ADGRL2: variants seen among roughly 807,000 people sequenced by gnomAD.
The protein encoded by ADGRL2 is adhesion G protein-coupled receptor L2, also known as calcium-independent alpha-latrotoxin receptor 2.
ADGRL2 carries 44 observed loss-of-function variants against 157.4 expected under a neutral mutation model. That is an observed-to-expected ratio of 0.28 (90% CI 0.22 to 0.36). ADGRL2 has a LOEUF of 0.36. Among genes scored for constraint, ADGRL2 ranks in the 10% least tolerant of loss-of-function variants. The pLI is 1.00. For missense variants in ADGRL2, 1,510 were observed against 1,768.9 expected (o/e 0.85, Z 2.63); for synonymous variants, 585 against 624.7 (o/e 0.94, Z 0.95).
chr1:81,957,464 C>T (rs1056883193), intron 11 of ADGRL2, among the ~76,000 whole-genome samples: 2 of 152,008 alleles, frequency 1.3e-5, no homozygotes, highest in East Asian at 1.9e-4. Flanking sequence ...TTTGGGAGGC[C>T]GAGGCAGGCA....
chr1:81,626,307 C>A (rs1268205602), intron 3 of ADGRL2, among the ~76,000 whole-genome samples: 1 of 152,038 alleles, frequency 6.6e-6, no homozygotes, highest in Non-Finnish European at 1.5e-5. Context: ...GAACTCTATC[C>A]CTTTTTATTT....
intron 2 of ADGRL2, among the ~76,000 whole-genome samples, chr1:81,906,166 C>T (rs1349981393): frequency 1.3e-5 from 2 of 152,094 alleles, no homozygotes; most frequent in African/African-American, 4.8e-5. Flanking sequence ...GAAAACCTAC[C>T]AAGTTTGGGG....
At position 81,951,944 on chromosome 1, in the gene ADGRL2, A is replaced by G. The variant is rs753850651; in HGVS notation, c.1609-13A>G. On this transcript the variant is annotated splice_polypyrimidine_tract_variant and intron_variant, in intron 8 of 23. Transcript: ENST00000686636. ...AAAAAATTTAAATGAGATAATACAA[A>G]TTGTTTTTTCAGATCAGAAGCGGAG... is the stretch of plus-strand genomic sequence containing the variant. The G allele has an allele frequency of 6.3e-7, 1 of 1,586,970 alleles. No homozygotes were observed. The highest frequency in any genetic ancestry group is 1.2e-5 in the South Asian group (1 of 86,866).
chr1:81,560,272 G>T (rs1406843163), intron 2 of ADGRL2, among the ~76,000 whole-genome samples: 1 of 152,210 alleles, frequency 6.6e-6, no homozygotes, highest in Non-Finnish European at 1.5e-5. Context: ...CAAAATACCT[G>T]ATTTCAAGTG....
At chr1:81,911,057 G>A (rs2094709429) in intron 3 of ADGRL2, among the ~76,000 whole-genome samples, 1 of 151,864 alleles carries the variant, frequency 6.6e-6, no homozygotes, top group Non-Finnish European at 1.5e-5. Context: ...TTCAGCAGTT[G>A]AGAATCAAGT....
intron 1 of ADGRL2, among the ~76,000 whole-genome samples, chr1:81,370,884 A>G (rs1487329290): frequency 1.3e-5 from 2 of 152,206 alleles, no homozygotes; most frequent in Non-Finnish European, 2.9e-5. Flanking sequence ...GATATTAGAG[A>G]TGAGAAAAAC....
chr1:81,541,726 G>T (rs1161054360), intron 2 of ADGRL2, among the ~76,000 whole-genome samples: 1 of 151,142 alleles, frequency 6.6e-6, no homozygotes, highest in Admixed American at 6.6e-5. Flanking sequence ...GAGGTGGGCA[G>T]ATCACCTGAG....
At chr1:81,785,627 C>T (rs995672256) in intron 2 of ADGRL2, among the ~76,000 whole-genome samples, 1 of 151,890 alleles carries the variant, frequency 6.6e-6, no homozygotes, top group Admixed American at 6.6e-5. Flanking sequence ...ACTCAGGCAG[C>T]GAAGGCAGGA....
intron 1 of ADGRL2, among the ~76,000 whole-genome samples, chr1:81,316,657 G>A (rs1272065866): frequency 6.6e-6 from 1 of 152,108 alleles, no homozygotes; most frequent in African/African-American, 2.4e-5. Flanking sequence ...CAGAAGGCAT[G>A]TATTATATTC....
At chr1:81,885,101 T>C (rs912283541) in intron 2 of ADGRL2, among the ~76,000 whole-genome samples, 2 of 152,210 alleles carry the variant, frequency 1.3e-5, no homozygotes, top group African/African-American at 4.8e-5. Flanking sequence ...TGTTTTATAA[T>C]AGTTATTATT....
chr1:81,655,084 A>G (rs1557540649), intron 3 of ADGRL2, among the ~76,000 whole-genome samples: 1 of 152,142 alleles, frequency 6.6e-6, no homozygotes, highest in African/African-American at 2.4e-5. Flanking sequence ...CCTAAGAGCC[A>G]GGGGGGCAAG....
chr1:81,807,972 C>T (rs1321429830), intron 1 of ADGRL2, among the ~76,000 whole-genome samples: 1 of 149,620 alleles, frequency 6.7e-6, no homozygotes, highest in Admixed American at 6.7e-5. Flanking sequence ...TATTTTTTTA[C>T]AAAAAACCTC....
intron 3 of ADGRL2, among the ~76,000 whole-genome samples, chr1:81,625,249 C>T (rs969380778): frequency 9.2e-5 from 14 of 152,070 alleles, no homozygotes; most frequent in Non-Finnish European, 1.8e-4. Flanking sequence ...AGAGACACAT[C>T]ACCTTCTCTC....
chr1:81,825,896 G>A (rs2091436742), intron 1 of ADGRL2, among the ~76,000 whole-genome samples: 1 of 152,070 alleles, frequency 6.6e-6, no homozygotes, highest in African/African-American at 2.4e-5. Flanking sequence ...ATGGATGGAA[G>A]GTGATAAATC....
chr1:81,712,755 A>AT (rs60265943), intron 1 of ADGRL2, among the ~76,000 whole-genome samples: 12,826 of 100,138 alleles, frequency 0.13, 1,013 homozygotes, highest in African/African-American at 0.16. Context: ...TGGATCGCGG[A>AT]TTTTTTTTTT....
At chr1:81,539,602 G>A (rs1443439082) in intron 2 of ADGRL2, among the ~76,000 whole-genome samples, 1 of 152,036 alleles carries the variant, frequency 6.6e-6, no homozygotes, top group African/African-American at 2.4e-5. Context: ...TATAATAAAG[G>A]AACCCAAAAC....
intron 2 of ADGRL2, among the ~76,000 whole-genome samples, chr1:81,901,006 T>C (rs1266379124): frequency 6.6e-6 from 1 of 152,158 alleles, no homozygotes; most frequent in South Asian, 2.1e-4. Flanking sequence ...GCATATTAAA[T>C]ACAGCTGAGG....
rs529362558 is a variant in ADGRL2 at position 81,530,952 on chromosome 1, C to T, written c.-247-49924C>T. 2.5e-4 allele frequency among the ~76,000 whole-genome samples: 36 copies of T among 143,300 alleles called. No homozygotes were observed. The South Asian group carries it at 5.4e-3, about 22-fold the overall frequency. 94.0% of individuals were successfully genotyped at this position (143,300 alleles called of 152,430 possible). A position where few individuals can be genotyped will look rare whatever the true frequency, so the allele number is the denominator to read the frequency against. On this transcript the variant is annotated intron_variant, in intron 2 of 24. Coordinates refer to the ADGRL2 transcript ENST00000370721. ...ACAAAAATTTAGCCAGGCATGGTGG[C>T]GCACACCTGTAGTCCTAGCTACTTG...
intron 17 of ADGRL2, among the ~76,000 whole-genome samples, chr1:81,976,630 A>G (rs1307361407): frequency 6.6e-6 from 1 of 151,924 alleles, no homozygotes; most frequent in South Asian, 2.1e-4. Flanking sequence ...TTACATTTGC[A>G]CTTGGATTTA....
Sources: allele counts gnomAD v4.1 joint callset (sites outside exome capture counted in the v4.1 genomes callset), GRCh38; gene constraint gnomAD v4.1.1; transcripts MANE v1.5; gene names NCBI Gene and HGNC (gene_info 2026-07-23, HGNC 2026-07-21).